Variants in NSD1 observed in about 807,000 individuals in gnomAD.
The protein encoded by NSD1 is histone-lysine N-methyltransferase, H3 lysine-36 specific.
In NSD1, 26 loss-of-function variants were observed where a neutral mutation model predicts 242.7. That is an observed-to-expected ratio of 0.11 (90% CI 0.08 to 0.15). NSD1 has a LOEUF of 0.15. NSD1 is among the 10% of genes least tolerant of loss of function. The probability of loss-of-function intolerance (pLI) is 1.00; values close to 1 mark genes in which losing one functional copy is unlikely to be tolerated. For synonymous variants in NSD1, 1,106 were observed against 1,178.1 expected (o/e 0.94, Z 1.25); for missense variants, 2,495 against 3,272.8 (o/e 0.76, Z 5.80).
chr5:177,233,285 T>C (rs1581394839), intron 5 of NSD1, among the ~76,000 whole-genome samples: 1 of 152,070 alleles, frequency 6.6e-6, no homozygotes, highest in African/African-American at 2.4e-5. Context: ...ACTGGGCTGG[T>C]ATTGAATTCC....
intron 17 of NSD1, 122 bp from the exon 18 acceptor site, chr5:177,280,443 G>A (rs1758782507): frequency 9.5e-7 from 1 of 1,054,962 alleles, no homozygotes; most frequent in East Asian, 2.4e-5. Context: ...ACTAAGTGTT[G>A]ATAGTTCAAA....
intron 5 of NSD1, among the ~76,000 whole-genome samples, chr5:177,223,231 G>A (rs570685188): frequency 1.3e-5 from 2 of 151,858 alleles, no homozygotes; most frequent in South Asian, 2.1e-4. Flanking sequence ...ACAGGCATGC[G>A]CCAGCACGTC....
Position 177,135,264 on chromosome 5 carries a change from G to A in NSD1, c.161G>A (p.Ser54Asn), listed in dbSNP as rs748405383. The change falls in exon 2 of 23, where the codon AGT (serine) becomes AAT (asparagine). Residue 54 changes from serine (S) to asparagine (N), a missense_variant. Ser to Asn is a conservative substitution (Grantham distance 46). Around this residue, in one of 19 missense-constraint regions of NSD1, gnomAD observed 376 missense variants for 367.4 expected, o/e 1.02. Coordinates refer to ENST00000439151, the MANE Select transcript of NSD1 (RefSeq NM_022455.5). ...NGCTMQLSTV[S>N]GTSQNAYGQD... ...TGTACTATGCAGTTATCGACTGTCAGTGGAACATCCCAAAATGCTTATGGA... is the reference window on the plus strand; with the variant it reads ...TGTACTATGCAGTTATCGACTGTCAATGGAACATCCCAAAATGCTTATGGA... 1 of 1,613,804 alleles carries A rather than the reference G, an allele frequency of 6.2e-7. No homozygotes were observed. The highest frequency in any genetic ancestry group is 8.5e-7 in the Non-Finnish European group (1 of 1,179,704).
chr5:177,189,845 T>A (rs1456027827), intron 2 of NSD1, among the ~76,000 whole-genome samples: 1 of 152,230 alleles, frequency 6.6e-6, no homozygotes, highest in Non-Finnish European at 1.5e-5. Flanking sequence ...CAGTTTTCAG[T>A]ACAGATAAAA....
At chr5:177,199,490 C>T (rs1156321564) in intron 3 of NSD1, among the ~76,000 whole-genome samples, 1 of 152,214 alleles carries the variant, frequency 6.6e-6, no homozygotes, top group Non-Finnish European at 1.5e-5. Flanking sequence ...CTACTGGGCT[C>T]AAACAGTCTT....
At chr5:177,274,469 T>C (rs1038519502) in intron 17 of NSD1, among the ~76,000 whole-genome samples, 1 of 152,350 alleles carries the variant, frequency 6.6e-6, no homozygotes, top group South Asian at 2.1e-4. Context: ...TCAATTACTT[T>C]TGCACCAACC....
In NSD1 at chr5:177,262,235, A is replaced by G. The variant is rs543272299; in HGVS notation, c.5146+2067A>G. ...TTTTCTTCTAAAAATTATCTTTGTT[A>G]TTACCCACTTTCCCTGCAAGATGAC... On this transcript the variant is annotated intron_variant, in intron 14 of 22. Coordinates refer to ENST00000439151, the MANE Select transcript of NSD1 (RefSeq NM_022455.5). Among the ~76,000 whole-genome samples the G allele has an allele frequency of 3.2e-4, 49 of 152,234 alleles. 2 individuals are homozygous for G. In the South Asian group the frequency reaches 1.0e-2, roughly 31 times the overall value.
At chr5:177,188,202 T>G (rs1356654107) in intron 2 of NSD1, among the ~76,000 whole-genome samples, 1 of 152,176 alleles carries the variant, frequency 6.6e-6, no homozygotes, top group Non-Finnish European at 1.5e-5. Context: ...TTTATTTTAG[T>G]GTCTGTCTCT....
chr5:177,191,074 C>T (rs1367128251), intron 2 of NSD1, among the ~76,000 whole-genome samples: 2 of 149,766 alleles, frequency 1.3e-5, no homozygotes, highest in Non-Finnish European at 2.9e-5. Flanking sequence ...TCAAGCGATT[C>T]TCCTGTCTCA....
At chr5:177,185,931 A>AT (rs1761144344) in intron 2 of NSD1, among the ~76,000 whole-genome samples, 1 of 90,086 alleles carries the variant, frequency 1.1e-5, no homozygotes, top group African/African-American at 4.9e-5. Flanking sequence ...TATATATATA[A>AT]ATAAATATAT....
intron 14 of NSD1, chr5:177,266,794 G>C (rs566593699): frequency 8.8e-6 from 2 of 226,200 alleles, no homozygotes; most frequent in South Asian, 3.6e-4. Flanking sequence ...TGGCAAGAGC[G>C]TGGCTCATTT....
chr5:177,165,254 C>T (rs1281798579), intron 2 of NSD1, among the ~76,000 whole-genome samples: 4 of 152,216 alleles, frequency 2.6e-5, no homozygotes, highest in Admixed American at 1.3e-4. Context: ...TCACTACAGC[C>T]TCCACCTTCC....
At chr5:177,286,880 C>T (rs577412116) in intron 20 of NSD1, among the ~76,000 whole-genome samples, 2 of 152,190 alleles carry the variant, frequency 1.3e-5, no homozygotes, top group Non-Finnish European at 2.9e-5. Context: ...AATTCTCAGA[C>T]TCTTCCTCTC....
At chr5:177,161,752 A>G (rs1323642648) in intron 2 of NSD1, among the ~76,000 whole-genome samples, 2 of 148,114 alleles carry the variant, frequency 1.4e-5, no homozygotes, top group African/African-American at 2.5e-5. Flanking sequence ...ATCTTGGCAC[A>G]CTTGCAACCT....
intron 3 of NSD1, among the ~76,000 whole-genome samples, chr5:177,200,650 C>G (rs1022038422): frequency 6.6e-6 from 1 of 152,126 alleles, no homozygotes; most frequent in Non-Finnish European, 1.5e-5. Context: ...TAACTAGAAT[C>G]AGACATTTGT....
chr5:177,141,921 C>T (rs1012439269), intron 2 of NSD1, among the ~76,000 whole-genome samples: 2 of 152,006 alleles, frequency 1.3e-5, no homozygotes, highest in African/African-American at 4.8e-5. Context: ...GCAACCTCTG[C>T]CTTCTGGGTT....
chr5:177,279,684 G>A (rs867516015), intron 17 of NSD1, among the ~76,000 whole-genome samples: 2 of 124,848 alleles, frequency 1.6e-5, no homozygotes, highest in South Asian at 2.7e-4. Context: ...GCAGTCACGC[G>A]ATCTCTGCAA....
chr5:177,260,297 A>T lies in NSD1; in HGVS notation c.5146+129A>T. 6 of 803,362 alleles carry T rather than the reference A, an allele frequency of 7.5e-6. No individual in the cohort carries two copies. The Admixed American group carries it at 1.1e-4, about 15-fold the overall frequency. 49.8% of individuals were successfully genotyped at this position (803,362 alleles called of 1,614,324 possible). A position where few individuals can be genotyped will look rare whatever the true frequency, so the allele number is the denominator to read the frequency against. ...TTAGAAATGATACTATTCATCTGCCATTCAGGAAATGATGTCCCGAATTAA... is the reference window on the plus strand; with the variant it reads ...TTAGAAATGATACTATTCATCTGCCTTTCAGGAAATGATGTCCCGAATTAA... On this transcript the variant is annotated intron_variant, in intron 14 of 22. Transcript: ENST00000439151.
intron 2 of NSD1, among the ~76,000 whole-genome samples, chr5:177,172,496 A>T (rs1466955393): frequency 1.3e-5 from 2 of 152,210 alleles, no homozygotes; most frequent in Admixed American, 6.6e-5. Flanking sequence ...TTGAAGTAAC[A>T]TGAATGGTTT....
Sources: allele counts gnomAD v4.1 joint callset (sites outside exome capture counted in the v4.1 genomes callset), GRCh38; gene constraint gnomAD v4.1.1; regional missense constraint gnomAD v4.1.1; transcripts MANE v1.5; gene names NCBI Gene and HGNC (gene_info 2026-07-23, HGNC 2026-07-21).